OPCML: variants seen among roughly 807,000 people sequenced by gnomAD.
The protein encoded by OPCML is opioid binding protein/cell adhesion molecule like, also known as opioid-binding protein/cell adhesion molecule.
A neutral mutation model predicts 37.8 loss-of-function variants in OPCML; 13 were observed. That is an observed-to-expected ratio of 0.34 (90% confidence interval 0.22 to 0.55). The LOEUF (loss-of-function observed/expected upper bound fraction) is 0.55. OPCML is among the 20% of genes least tolerant of loss of function. The pLI is 0.91. For missense variants in OPCML, 341 were observed against 435.6 expected, an observed-to-expected ratio of 0.78 and a Z score of 1.93; for synonymous variants, 176 against 168.8, an observed-to-expected ratio of 1.04 and a Z score of -0.33.
intron 3 of OPCML, among the ~76,000 whole-genome samples, chr11:132,551,853 C>G (rs4936172): frequency 2.6e-5 from 4 of 152,072 alleles, no homozygotes; most frequent in African/African-American, 9.7e-5. Context: ...GCCGGCTCTG[C>G]GTGAATTACT....
intron 1 of OPCML, among the ~76,000 whole-genome samples, chr11:133,060,158 TCCTCTC>T (rs553478664): frequency 0.02 from 2,981 of 151,282 alleles, 83 homozygotes; most frequent in African/African-American, 0.059. Context: ...AATCTTATTC[TCCTCTC>T]CCTCTCCCTC....
rs368129109 is a variant in OPCML at position 132,879,864 on chromosome 11, A to G, written c.146+63062T>C. Among the ~76,000 whole-genome samples, 56 of 152,362 alleles carry G rather than the reference A, an allele frequency of 3.7e-4. No individual in the cohort carries two copies. The South Asian group carries it at 5.0e-3, about 14-fold the overall frequency. Reference sequence around the variant, plus strand: ...AAAAAAAATACAAACAAAAACATACATTGTACCATCATACCTTCTTTATGG... The same window carrying G: ...AAAAAAAATACAAACAAAAACATACGTTGTACCATCATACCTTCTTTATGG... On this transcript the variant is annotated intron_variant, in intron 2 of 7. Coordinates refer to ENST00000524381, the MANE Select transcript of OPCML (RefSeq NM_001012393.5).
At chr11:132,990,004 T>A (rs1946747430) in intron 1 of OPCML, among the ~76,000 whole-genome samples, 2 of 152,076 alleles carry the variant, frequency 1.3e-5, no homozygotes, top group Admixed American at 6.5e-5. Context: ...TATGTGTGGA[T>A]TAGAAGGGCT....
intron 1 of OPCML, among the ~76,000 whole-genome samples, chr11:133,178,831 A>G (rs1937684185): frequency 6.6e-6 from 1 of 152,222 alleles, no homozygotes. Context: ...TTCCAAAATG[A>G]GAAGACTATT....
intron 1 of OPCML, among the ~76,000 whole-genome samples, chr11:133,128,722 T>C (rs1443284340): frequency 6.6e-6 from 1 of 152,148 alleles, no homozygotes; most frequent in Non-Finnish European, 1.5e-5. Context: ...CCCAGGCCTG[T>C]CAGTGTTGCT....
intron 3 of OPCML, among the ~76,000 whole-genome samples, chr11:132,626,613 C>G (rs780199532): frequency 1.8e-4 from 28 of 151,800 alleles, no homozygotes; most frequent in Non-Finnish European, 3.2e-4. Context: ...GTAAGGGCCT[C>G]GTGACATGGC....
chr11:132,979,136 A>G (rs1946528767), intron 1 of OPCML, among the ~76,000 whole-genome samples: 1 of 152,128 alleles, frequency 6.6e-6, no homozygotes, highest in African/African-American at 2.4e-5. Context: ...TCGGAATCCC[A>G]TGCCTTCTCC....
intron 2 of OPCML, among the ~76,000 whole-genome samples, chr11:132,836,226 G>C (rs11223238): frequency 0.061 from 9,355 of 152,194 alleles, 308 homozygotes; most frequent in Middle Eastern, 0.12. Flanking sequence ...CATTATGTTG[G>C]CTTTTCCCAA....
intron 3 of OPCML, among the ~76,000 whole-genome samples, chr11:132,605,711 C>A (rs2137808575): frequency 6.6e-6 from 1 of 152,334 alleles, no homozygotes; most frequent in East Asian, 1.9e-4. Flanking sequence ...TAGACACACT[C>A]AGACTTCATC....
intron 1 of OPCML, among the ~76,000 whole-genome samples, chr11:133,278,705 A>G (rs1942060451): frequency 6.6e-6 from 1 of 152,056 alleles, no homozygotes; most frequent in Non-Finnish European, 1.5e-5. Context: ...AATTTAATAC[A>G]AGTAGCAACA....
intron 3 of OPCML, among the ~76,000 whole-genome samples, chr11:132,602,525 G>T (rs1293829964): frequency 6.6e-6 from 1 of 152,124 alleles, no homozygotes; most frequent in Non-Finnish European, 1.5e-5. Context: ...CAAGAGTTTG[G>T]TTCTCTCACA....
intron 3 of OPCML, among the ~76,000 whole-genome samples, chr11:132,624,244 G>T (rs184639356): frequency 1.3e-5 from 2 of 152,282 alleles, no homozygotes; most frequent in East Asian, 3.9e-4. Flanking sequence ...AGGCTCAAGT[G>T]TTTATGAGAA....
At chr11:133,047,647 TC>T (rs924735609) in intron 1 of OPCML, among the ~76,000 whole-genome samples, 17 of 152,220 alleles carry the variant, frequency 1.1e-4, no homozygotes, top group African/African-American at 4.1e-4. Context: ...CATCCATCAC[TC>T]CGGCTACACT....
chr11:133,033,841 C>T (rs775544394), intron 1 of OPCML, among the ~76,000 whole-genome samples: 1 of 152,176 alleles, frequency 6.6e-6, no homozygotes, highest in Admixed American at 6.5e-5. Flanking sequence ...CGGGTATCAA[C>T]TCACAGCAAT....
intron 3 of OPCML, among the ~76,000 whole-genome samples, chr11:132,652,065 G>A (rs1428540932): frequency 6.6e-6 from 1 of 152,182 alleles, no homozygotes; most frequent in Non-Finnish European, 1.5e-5. Context: ...TTCTTTCAGA[G>A]TGCTGAAGAG....
intron 4 of OPCML, among the ~76,000 whole-genome samples, chr11:132,488,063 A>G (rs2096205430): frequency 6.6e-6 from 1 of 152,152 alleles, no homozygotes; most frequent in Non-Finnish European, 1.5e-5. Flanking sequence ...TTTGCATTTG[A>G]TGCCTCAGCC....
At chr11:133,069,890 C>G (rs1400088844) in intron 1 of OPCML, among the ~76,000 whole-genome samples, 1 of 152,098 alleles carries the variant, frequency 6.6e-6, no homozygotes. Context: ...CTGGCACCAT[C>G]CAAGCTGATG....
intron 1 of OPCML, chr11:133,066,765 C>A (rs1024030127): frequency 2.0e-5 from 3 of 152,268 alleles, no homozygotes; most frequent in African/African-American, 7.2e-5. Context: ...TGACATCCGC[C>A]TCCTGGGTTC....
intron 4 of OPCML, among the ~76,000 whole-genome samples, chr11:132,515,833 G>C (rs889405858): frequency 6.6e-6 from 1 of 152,250 alleles, no homozygotes; most frequent in Middle Eastern, 3.4e-3. Context: ...CAGCATAGTT[G>C]AAGTTTATGA....
Sources: allele counts gnomAD v4.1 joint callset (sites outside exome capture counted in the v4.1 genomes callset), GRCh38; gene constraint gnomAD v4.1.1; transcripts MANE v1.5; gene names NCBI Gene and HGNC (gene_info 2026-07-23, HGNC 2026-07-21).